RYR3: variants seen among roughly 807,000 people sequenced by gnomAD.
RYR3 encodes brain ryanodine receptor-calcium release channel.
Under a neutral mutation model 584.3 loss-of-function variants are expected in RYR3, and 207 were observed. The observed-to-expected ratio is 0.35, with a 90% CI of 0.32 to 0.40. The LOEUF is 0.40. RYR3 is among the 10% of genes least tolerant of loss of function. RYR3 has a pLI of 1.00. For synonymous variants in RYR3, 2,416 were observed against 2,248.5 expected, an observed-to-expected ratio of 1.07 and a Z score of -2.11; for missense variants, 5,616 against 6,089.2, an observed-to-expected ratio of 0.92 and a Z score of 2.59.
intron 1 of RYR3, among the ~76,000 whole-genome samples, chr15:33,435,986 C>G (rs1325050230): frequency 7.5e-6 from 1 of 134,166 alleles, no homozygotes; most frequent in Non-Finnish European, 1.8e-5. Context: ...TTACAGAGTT[C>G]TGATTGGTCC....
chr15:33,436,944 A>G (rs1555471800), intron 1 of RYR3, among the ~76,000 whole-genome samples: 1 of 152,136 alleles, frequency 6.6e-6, no homozygotes, highest in Non-Finnish European at 1.5e-5. Context: ...TTTTACATTT[A>G]AATATCTAAT....
At chr15:33,464,849 G>T (rs2142117781) in intron 1 of RYR3, among the ~76,000 whole-genome samples, 1 of 152,106 alleles carries the variant, frequency 6.6e-6, no homozygotes, top group Admixed American at 6.6e-5. Flanking sequence ...TACTTACCTT[G>T]TATAACTGAA....
rs1362198099 is a variant in RYR3, at chr15:33,848,314, G to A, written c.13521G>A (p.Arg4507=). The change falls in exon 94 of 104, where the codon AGG becomes AGA. Residue 4507 remains arginine, a synonymous_variant. Coordinates refer to ENST00000634891, the MANE Select transcript of RYR3 (RefSeq NM_001036.6). ...AGGTGCCTTTGGTGGTTTTCAAAAG[G>A]GAAAAAGAAATCGCCAGGAAGCTGG... is the stretch of plus-strand genomic sequence containing the variant. ...CLKVPLVVFK[R]EKEIARKLEF... is the part of the protein sequence containing the mutation. The A allele has an allele frequency of 6.2e-7, 1 of 1,613,618 alleles. No homozygotes were observed. Among genetic ancestry groups the A allele is most frequent in the Non-Finnish European group, 8.5e-7 (1 of 1,179,874 alleles).
chr15:33,583,268 G>A (rs1348568198), intron 14 of RYR3, among the ~76,000 whole-genome samples: 1 of 152,184 alleles, frequency 6.6e-6, no homozygotes, highest in East Asian at 1.9e-4. Context: ...ATATTTTATA[G>A]TTACATGTTG....
chr15:33,373,113 G>T (rs2040463559), intron 1 of RYR3, among the ~76,000 whole-genome samples: 1 of 152,170 alleles, frequency 6.6e-6, no homozygotes, highest in Admixed American at 6.5e-5. Flanking sequence ...AGGTTTTCAG[G>T]AATGGTGGAT....
intron 98 of RYR3, 133 bp from the exon 99 acceptor site, chr15:33,857,647 C>A (rs917687030): frequency 3.7e-6 from 4 of 1,090,954 alleles, no homozygotes; most frequent in Non-Finnish European, 4.0e-6. Context: ...TTCTTAGCCG[C>A]CCTCCACCCC....
Position 33,584,437 on chromosome 15 carries a change from C to T in RYR3, c.1616C>T (p.Ser539Phe). ...AACAGAAACAATTGCGCTCAATTCT[C>T]CAATAACCTTGATTGGCTCATCAGT... ...RGNRNNCAQF[S>F]NNLDWLISKL... Residue 539 changes from serine (S) to phenylalanine (F), a missense_variant, in exon 15 of 104, where the codon TCC becomes TTC. Coordinates refer to ENST00000634891, the MANE Select transcript of RYR3 (RefSeq NM_001036.6). 6.2e-7 allele frequency: 1 copy of T among 1,609,042 alleles called. No individual in the cohort carries two copies. Among genetic ancestry groups the T allele is most frequent in the Non-Finnish European group, 8.5e-7 (1 of 1,176,356 alleles).
At chr15:33,840,252 C>G (rs906404220) in intron 89 of RYR3, among the ~76,000 whole-genome samples, 1 of 152,156 alleles carries the variant, frequency 6.6e-6, no homozygotes, top group African/African-American at 2.4e-5. Context: ...TGGAATTACT[C>G]CTGGAATGAT....
At chr15:33,613,104 G>A (rs777977592) in intron 18 of RYR3, 79 bp from the exon 19 acceptor site, 76 of 1,082,842 alleles carry the variant, frequency 7.0e-5, no homozygotes, top group Non-Finnish European at 9.0e-5. Context: ...CCCACCTCCC[G>A]CAGAGGCCTC....
At position 33,609,335 on chromosome 15, in the gene RYR3, G is replaced by A. The variant is rs566409561; in HGVS notation, c.2165-3848G>A. Reference sequence around the variant, plus strand: ...TGTAATCCCAGCACTTCGGGAGGCCGAGATGGGAGGATCAGTTGAGGCCAG... The same window carrying A: ...TGTAATCCCAGCACTTCGGGAGGCCAAGATGGGAGGATCAGTTGAGGCCAG... On this transcript the variant is annotated intron_variant, in intron 18 of 103. Transcript: ENST00000634891. 3.3e-5 allele frequency among the ~76,000 whole-genome samples: 5 copies of A among 152,270 alleles called. No homozygotes were observed. The South Asian group carries it at 6.2e-4, about 19-fold the overall frequency.
At position 33,688,050 on chromosome 15, in the gene RYR3, A is replaced by G. The variant is rs558007924; in HGVS notation, c.5861-8168A>G. ...ACCAAAAGCAATAGCAACAAAAGCC[A>G]AAATAGACAAATGGGATCTAATTAA... is the stretch of plus-strand genomic sequence containing the variant. On this transcript the variant is annotated intron_variant, in intron 38 of 103. Coordinates refer to ENST00000634891, the MANE Select transcript of RYR3 (RefSeq NM_001036.6). Among the ~76,000 whole-genome samples the G allele has an allele frequency of 3.3e-3, 497 of 152,336 alleles. 5 individuals carry two copies. Among genetic ancestry groups the G allele is most frequent in the African/African-American group, 0.012 (483 of 41,580 alleles).
chr15:33,451,888 C>A (rs2047161574), intron 1 of RYR3, among the ~76,000 whole-genome samples: 1 of 152,218 alleles, frequency 6.6e-6, no homozygotes, highest in African/African-American at 2.4e-5. Flanking sequence ...TGCTCAAAGC[C>A]ATGCAGCCAG....
At chr15:33,345,347 C>CTAT (rs1057227880) in intron 1 of RYR3, among the ~76,000 whole-genome samples, 3 of 151,890 alleles carry the variant, frequency 2.0e-5, no homozygotes, top group African/African-American at 4.8e-5. Context: ...TCAGCAGCTA[C>CTAT]TATTATTATT....
chr15:33,810,435 G>A lies in RYR3; in HGVS notation c.10027-44G>A. ...CTGACAGGAGGCCGTTCCTTTGGGA[G>A]AATCACTGAACCCCTCTCTGTTTAT... On this transcript the variant is annotated intron_variant, in intron 70 of 103. Transcript: ENST00000634891. The A allele has an allele frequency of 5.0e-6, 8 of 1,604,382 alleles. No homozygotes were observed. In the South Asian group the frequency reaches 5.6e-5, roughly 11 times the overall value.
intron 98 of RYR3, among the ~76,000 whole-genome samples, chr15:33,855,446 C>A (rs552402707): frequency 6.6e-6 from 1 of 152,310 alleles, no homozygotes; most frequent in East Asian, 1.9e-4. Context: ...TCAGGTGATC[C>A]ACCCGCCTCG....
At chr15:33,821,665 CT>C in intron 80 of RYR3, 63 bp downstream of exon 80, 1 of 1,510,250 alleles carries the variant, frequency 6.6e-7, no homozygotes, top group Admixed American at 1.7e-5. Context: ...ACCTGTCATG[CT>C]TCAGGGAAGA....
intron 1 of RYR3, among the ~76,000 whole-genome samples, chr15:33,459,113 G>A (rs1171883806): frequency 6.6e-6 from 1 of 152,208 alleles, no homozygotes; most frequent in Non-Finnish European, 1.5e-5. Context: ...CTTCCCCAGA[G>A]ATTCTCACTC....
At chr15:33,543,535 A>G in intron 7 of RYR3, 87 bp from the exon 8 acceptor site, 1 of 858,978 alleles carries the variant, frequency 1.2e-6, no homozygotes, top group South Asian at 1.4e-5. Flanking sequence ...TAACTGGCTC[A>G]GACCTGTGTG....
At chr15:33,644,046 G>A (rs960997182) in intron 27 of RYR3, among the ~76,000 whole-genome samples, 5 of 152,004 alleles carry the variant, frequency 3.3e-5, no homozygotes, top group African/African-American at 4.8e-5. Context: ...TATATCTTAC[G>A]AATATTCTTA....
Sources: gnomAD v4.1 joint callset for allele counts (sites outside exome capture counted in the v4.1 genomes callset) on GRCh38, gnomAD v4.1.1 for gene constraint, MANE v1.5 for transcripts, NCBI Gene and HGNC (gene_info 2026-07-23, HGNC 2026-07-21) for gene names.